OPN5: variants seen among roughly 807,000 people sequenced by gnomAD.
OPN5 encodes opsin-5.
A neutral mutation model predicts 41.7 loss-of-function variants in OPN5; 18 were observed. The ratio of observed to expected loss-of-function variants is 0.43; its 90% confidence interval spans 0.30 to 0.64. OPN5 has a LOEUF of 0.64. OPN5 is among the 30% of genes least tolerant of loss of function. The pLI, the probability that OPN5 is intolerant of heterozygous loss-of-function variation, is 0.13. For synonymous variants in OPN5, 178 were observed against 164.3 expected (o/e 1.08, Z -0.64); for missense variants, 318 against 434.5 (o/e 0.73, Z 2.38).
At chr6:47,797,246 A>G (rs1773603388) in intron 4 of OPN5, among the ~76,000 whole-genome samples, 3 of 152,234 alleles carry the variant, frequency 2.0e-5, no homozygotes, top group Admixed American at 1.3e-4. Context: ...CAAGTAGAGG[A>G]AGCTTTGAGG....
At chr6:47,811,388 A>C (rs1404453254) in intron 5 of OPN5, among the ~76,000 whole-genome samples, 1 of 152,164 alleles carries the variant, frequency 6.6e-6, no homozygotes, top group Non-Finnish European at 1.5e-5. Context: ...TATATAGTGC[A>C]GGTAGGTGTG....
At chr6:47,784,428 C>G (rs1773151121) in intron 1 of OPN5, among the ~76,000 whole-genome samples, 1 of 152,128 alleles carries the variant, frequency 6.6e-6, no homozygotes, top group Non-Finnish European at 1.5e-5. Context: ...TCCTGAGTAG[C>G]TGGGGCTACA....
intron 1 of OPN5, among the ~76,000 whole-genome samples, chr6:47,782,702 T>C (rs1773116775): frequency 6.6e-6 from 1 of 152,214 alleles, no homozygotes; most frequent in South Asian, 2.1e-4. Context: ...AAAAGTAAAG[T>C]CGCATCAAAA....
intron 5 of OPN5, 135 bp from the exon 6 acceptor site, chr6:47,811,539 G>A (rs911744443): frequency 4.6e-6 from 2 of 438,010 alleles, no homozygotes; most frequent in African/African-American, 4.1e-5. Flanking sequence ...TTTTCTGTCT[G>A]TTGCTAATTC....
chr6:47,806,967 G>A (rs1374573217), intron 4 of OPN5, among the ~76,000 whole-genome samples: 1 of 152,132 alleles, frequency 6.6e-6, no homozygotes, highest in African/African-American at 2.4e-5. Flanking sequence ...AGACCAGCCT[G>A]GCCAACATGG....
At chr6:47,818,133 C>A (rs1762485244) in intron 6 of OPN5, among the ~76,000 whole-genome samples, 1 of 152,122 alleles carries the variant, frequency 6.6e-6, no homozygotes, top group South Asian at 2.1e-4. Context: ...GTATTCACTT[C>A]CAATAGCCGC....
intron 6 of OPN5, among the ~76,000 whole-genome samples, chr6:47,822,733 T>C (rs1762667528): frequency 1.3e-5 from 2 of 152,218 alleles, no homozygotes; most frequent in South Asian, 4.1e-4. Context: ...TGTAGGCAGA[T>C]TGGCCATGAG....
At chr6:47,821,015 T>C (rs1013726905) in intron 6 of OPN5, among the ~76,000 whole-genome samples, 2 of 151,932 alleles carry the variant, frequency 1.3e-5, no homozygotes, top group Non-Finnish European at 2.9e-5. Context: ...AAAGAGAAAA[T>C]ATATTTACGG....
At chr6:47,798,292 C>T (rs9473183) in intron 4 of OPN5, among the ~76,000 whole-genome samples, 22,282 of 151,354 alleles carry the variant, frequency 0.15, 1,735 homozygotes, top group Middle Eastern at 0.18. Flanking sequence ...AAAAATGAAC[C>T]TAGTCAATGT....
intron 4 of OPN5, among the ~76,000 whole-genome samples, chr6:47,804,241 G>A (rs1773878215): frequency 6.6e-6 from 1 of 151,750 alleles, no homozygotes; most frequent in South Asian, 2.1e-4. Context: ...CACAAAAATT[G>A]TCTAATTTAG....
intron 6 of OPN5, among the ~76,000 whole-genome samples, chr6:47,812,442 G>A (rs960797269): frequency 1.3e-5 from 2 of 152,128 alleles, no homozygotes; most frequent in Admixed American, 6.6e-5. Flanking sequence ...AGTGAAGATA[G>A]CTATTCGTAA....
At chr6:47,816,736 G>A (rs1027074230) in intron 6 of OPN5, among the ~76,000 whole-genome samples, 1 of 152,052 alleles carries the variant, frequency 6.6e-6, no homozygotes, top group African/African-American at 2.4e-5. Flanking sequence ...AGTGTCGCTG[G>A]TTGTCCTCAT....
chr6:47,813,530 G>T (rs964141806), intron 6 of OPN5, among the ~76,000 whole-genome samples: 4 of 152,100 alleles, frequency 2.6e-5, no homozygotes, highest in Non-Finnish European at 5.9e-5. Flanking sequence ...AGACTCCAAA[G>T]GCTTTGTTGT....
chr6:47,785,948 C>T (rs1306011373), intron 1 of OPN5, among the ~76,000 whole-genome samples: 1 of 152,134 alleles, frequency 6.6e-6, no homozygotes, highest in East Asian at 1.9e-4. Flanking sequence ...CACTCAGTGT[C>T]CATGTCTCCC....
chr6:47,814,162 GT>G (rs371258109), intron 6 of OPN5, among the ~76,000 whole-genome samples: 1,995 of 149,412 alleles, frequency 0.013, 50 homozygotes, highest in African/African-American at 0.046. Context: ...AGTGAAGGAG[GT>G]TTTTTTTTTC....
chr6:47,811,204 A>G (rs1442226411), intron 5 of OPN5, among the ~76,000 whole-genome samples: 1 of 152,172 alleles, frequency 6.6e-6, no homozygotes, highest in Non-Finnish European at 1.5e-5. Context: ...GATTGGGGGT[A>G]TGCAGTGAAG....
chr6:47,788,734 C>T (rs1198114063), intron 2 of OPN5, among the ~76,000 whole-genome samples: 1 of 145,454 alleles, frequency 6.9e-6, no homozygotes, highest in Non-Finnish European at 1.5e-5. Flanking sequence ...GGCTCCCAGT[C>T]GTGTGTATTA....
At chr6:47,821,559 T>C (rs1762624308) in intron 6 of OPN5, among the ~76,000 whole-genome samples, 2 of 152,268 alleles carry the variant, frequency 1.3e-5, no homozygotes, top group South Asian at 2.1e-4. Context: ...TATGTCATCA[T>C]GGTCAATAAT....
At chr6:47,808,537 A>G in intron 5 of OPN5, 142 bp downstream of exon 5, 1 of 894,518 alleles carries the variant, frequency 1.1e-6, no homozygotes, top group Non-Finnish European at 1.7e-6. Context: ...TTTTCTGTTT[A>G]TCAAAATTCC....
Sources: allele counts gnomAD v4.1 joint callset (sites outside exome capture counted in the v4.1 genomes callset), GRCh38; gene constraint gnomAD v4.1.1; transcripts MANE v1.5; gene names NCBI Gene and HGNC (gene_info 2026-07-23, HGNC 2026-07-21).